The following PBX3 variants were observed in gnomAD, a reference collection of about 807,000 sequenced individuals.
PBX3 encodes PBX homeobox 3.
Under a neutral mutation model 48.5 loss-of-function variants are expected in PBX3, and 14 were observed. That is an observed-to-expected ratio of 0.29 (90% CI 0.19 to 0.45). The LOEUF (loss-of-function observed/expected upper bound fraction) is 0.45, where lower values mean the gene tolerates loss of function less well. PBX3 is among the 20% of genes least tolerant of loss of function. PBX3 has a pLI of 1.00. For missense variants in PBX3, 386 were observed against 546.7 expected, an observed-to-expected ratio of 0.71 and a Z score of 2.93; for synonymous variants, 210 against 200.3, an observed-to-expected ratio of 1.05 and a Z score of -0.41.
intron 2 of PBX3, among the ~76,000 whole-genome samples, chr9:125,764,020 G>A (rs1232785389): frequency 6.6e-6 from 1 of 152,098 alleles, no homozygotes; most frequent in Non-Finnish European, 1.5e-5. Context: ...AGAATAATTA[G>A]TGTAATTAGA....
intron 2 of PBX3, among the ~76,000 whole-genome samples, chr9:125,877,105 T>C (rs1023491360): frequency 1.3e-5 from 2 of 152,162 alleles, no homozygotes; most frequent in Non-Finnish European, 2.9e-5. Flanking sequence ...TATAAACAGC[T>C]TGAGGACAGG....
At chr9:125,817,763 A>G (rs1189699385) in intron 2 of PBX3, among the ~76,000 whole-genome samples, 1 of 152,238 alleles carries the variant, frequency 6.6e-6, no homozygotes, top group African/African-American at 2.4e-5. Flanking sequence ...TCGAAAAAAT[A>G]CCATCTGCTC....
intron 5 of PBX3, among the ~76,000 whole-genome samples, chr9:125,956,740 T>C (rs1022437784): frequency 6.6e-6 from 1 of 152,242 alleles, no homozygotes; most frequent in Non-Finnish European, 1.5e-5. Flanking sequence ...TCCAGAGTCA[T>C]GAATCCTTGA....
At chr9:125,751,688 GTTGT>G (rs774523696) in intron 2 of PBX3, among the ~76,000 whole-genome samples, 4 of 152,128 alleles carry the variant, frequency 2.6e-5, no homozygotes, top group Non-Finnish European at 5.9e-5. Context: ...AATAAAAATA[GTTGT>G]TTATTTTAAA....
intron 2 of PBX3, among the ~76,000 whole-genome samples, chr9:125,890,065 T>G (rs529367505): frequency 6.6e-6 from 1 of 152,232 alleles, no homozygotes; most frequent in African/African-American, 2.4e-5. Flanking sequence ...AACCTCTCCG[T>G]GGTCCCAAAG....
intron 2 of PBX3, among the ~76,000 whole-genome samples, chr9:125,833,149 T>G (rs1839014275): frequency 6.6e-6 from 1 of 152,102 alleles, no homozygotes; most frequent in East Asian, 1.9e-4. Context: ...AGAAGAAATT[T>G]GTGTTTACTG....
chr9:125,937,880 C>G (rs925643308), intron 5 of PBX3, among the ~76,000 whole-genome samples: 1 of 152,048 alleles, frequency 6.6e-6, no homozygotes, highest in Non-Finnish European at 1.5e-5. Context: ...AAGCTGGTCT[C>G]GAACTCCTGG....
chr9:125,840,593 T>G (rs1320394461), intron 2 of PBX3, among the ~76,000 whole-genome samples: 1 of 151,900 alleles, frequency 6.6e-6, no homozygotes, highest in Non-Finnish European at 1.5e-5. Context: ...CTTTCTTAAC[T>G]CCTCGATCTC....
At chr9:125,849,890 T>C (rs1335507587) in intron 2 of PBX3, among the ~76,000 whole-genome samples, 1 of 151,984 alleles carries the variant, frequency 6.6e-6, no homozygotes, top group African/African-American at 2.4e-5. Flanking sequence ...GTGTAACTGT[T>C]TGGGTGTTTT....
intron 2 of PBX3, among the ~76,000 whole-genome samples, chr9:125,775,931 C>T (rs1448628143): frequency 3.3e-5 from 5 of 152,122 alleles, no homozygotes; most frequent in African/African-American, 1.2e-4. Context: ...TTTCATTGTA[C>T]CAATCTTTCA....
chr9:125,918,727 G>A (rs1841388932), intron 3 of PBX3, among the ~76,000 whole-genome samples: 1 of 152,166 alleles, frequency 6.6e-6, no homozygotes, highest in Admixed American at 6.5e-5. Flanking sequence ...TAGAAGTGAT[G>A]TAGCAGCACT....
At chr9:125,810,649 A>T (rs1031074871) in intron 2 of PBX3, among the ~76,000 whole-genome samples, 1 of 152,144 alleles carries the variant, frequency 6.6e-6, no homozygotes, top group African/African-American at 2.4e-5. Flanking sequence ...TATATTGAGG[A>T]AAATCTTACC....
intron 2 of PBX3, among the ~76,000 whole-genome samples, chr9:125,906,741 G>A (rs142864354): frequency 1.1e-4 from 16 of 152,074 alleles, no homozygotes; most frequent in Non-Finnish European, 1.8e-4. Context: ...TATTATGTGT[G>A]TATGGTACTA....
Position 125,962,160 on chromosome 9 carries a change from T to C in PBX3, c.1068T>C (p.Ser356=). Residue 356 remains serine (S), a synonymous_variant, in exon 7 of 9, where the codon AGT becomes AGC. Transcript: ENST00000373489. ...GGGACATGTTCATGAACATGCAGAGTCTGAATGGGGATTCTTACCAAGGGT... is the reference window on the plus strand; with the variant it reads ...GGGACATGTTCATGAACATGCAGAGCCTGAATGGGGATTCTTACCAAGGGT... ...NSGDMFMNMQ[S]LNGDSYQGSQ... is the part of the protein sequence containing the mutation. 1 of 1,613,474 alleles carries C rather than the reference T, an allele frequency of 6.2e-7. No individual in the cohort carries two copies. The highest frequency in any genetic ancestry group is 8.5e-7 in the Non-Finnish European group (1 of 1,179,478).
Position 125,901,351 on chromosome 9 carries a change from A to T in PBX3, c.275-14335A>T, listed in dbSNP as rs1840940856. Among the ~76,000 whole-genome samples, 5 of 151,848 alleles carry T rather than the reference A, an allele frequency of 3.3e-5. No homozygotes were observed. In the South Asian group the frequency reaches 1.0e-3, roughly 31 times the overall value. ...TCTTGGCTATATGAAAAACTGAATG[A>T]GTATAGGTATTTTTATACAATAATC... is the stretch of plus-strand genomic sequence containing the variant. On this transcript the variant is annotated intron_variant, in intron 2 of 8. Transcript: ENST00000373489.
chr9:125,768,402 G>A (rs1002204926), intron 2 of PBX3, among the ~76,000 whole-genome samples: 2 of 151,734 alleles, frequency 1.3e-5, no homozygotes, highest in African/African-American at 2.4e-5. Flanking sequence ...TGTTTATGCG[G>A]GTTTAATCTC....
intron 2 of PBX3, among the ~76,000 whole-genome samples, chr9:125,810,832 C>T (rs1772478183): frequency 2.0e-5 from 3 of 152,112 alleles, no homozygotes; most frequent in African/African-American, 7.2e-5. Flanking sequence ...GAAGAACTGG[C>T]AGAGAGATAG....
intron 5 of PBX3, among the ~76,000 whole-genome samples, chr9:125,945,087 G>C (rs1842038297): frequency 6.6e-6 from 1 of 152,152 alleles, no homozygotes; most frequent in Non-Finnish European, 1.5e-5. Flanking sequence ...AGCTGGGCAT[G>C]GTGGCGCATG....
intron 2 of PBX3, among the ~76,000 whole-genome samples, chr9:125,855,697 T>C (rs894946299): frequency 2.6e-5 from 4 of 152,164 alleles, no homozygotes; most frequent in Non-Finnish European, 5.9e-5. Context: ...TGTGACTTTT[T>C]CCCCTGTTTG....
Sources: gnomAD v4.1 joint callset for allele counts (sites outside exome capture counted in the v4.1 genomes callset) on GRCh38, gnomAD v4.1.1 for gene constraint, MANE v1.5 for transcripts, NCBI Gene and HGNC (gene_info 2026-07-23, HGNC 2026-07-21) for gene names.